Variants in OR9I1 observed in about 807,000 individuals in gnomAD.
OR9I1 encodes olfactory receptor 9I1.
OR9I1 carries 7 observed loss-of-function variants against 11.2 expected under a neutral mutation model. The observed-to-expected ratio is 0.62, with a 90% CI of 0.36 to 1.17. OR9I1 has a LOEUF of 1.17. Ranked by LOEUF, OR9I1 falls within the 50% of genes most tolerant of loss-of-function variation. The probability of loss-of-function intolerance (pLI) is 0.02; values close to 1 mark genes in which losing one functional copy is unlikely to be tolerated. For synonymous variants in OR9I1, 165 were observed against 153.4 expected (o/e 1.08, Z -0.56); for missense variants, 428 against 377.2 (o/e 1.13, Z -1.12).
At position 58,118,965 on chromosome 11, in the gene OR9I1, G is replaced by A. The variant is rs1376813930; in HGVS notation, c.480C>T (p.Thr160=). The change falls in exon 3 of 3, where the codon ACC becomes ACT. Residue 160 remains threonine (T), a synonymous_variant. Transcript: ENST00000641439. Reference sequence around the variant, plus strand: ...AGAAGGAGAGGGTGAAGGTGCAAGTGGTACGCAGGATGGCTCCTGACACCC... The same window carrying A: ...AGAAGGAGAGGGTGAAGGTGCAAGTAGTACGCAGGATGGCTCCTGACACCC... The part of the protein sequence containing the change: ...VCGVSGAILR[T]TCTFTLSFCK... 1 of 1,613,866 alleles carries A rather than the reference G, an allele frequency of 6.2e-7. No homozygotes were observed. Among genetic ancestry groups the A allele is most frequent in the Non-Finnish European group, 8.5e-7 (1 of 1,179,960 alleles).
chr11:58,124,875 A>G (rs1467818001), intron 1 of OR9I1, among the ~76,000 whole-genome samples: 6 of 152,192 alleles, frequency 3.9e-5, no homozygotes, highest in Non-Finnish European at 2.9e-5. Flanking sequence ...AATACTATGC[A>G]TTGTAGACAC....
Position 58,117,407 on chromosome 11 carries a change from C to A in OR9I1, c.*1093G>T, listed in dbSNP as rs536523014. On this transcript the variant is annotated 3_prime_UTR_variant, in exon 3 of 3. Transcript: ENST00000641439. ...TCATGAGGAAGTACTTCCTTAATTG[C>A]AAAATGGGAATTTTACATTAAACTA... is the stretch of plus-strand genomic sequence containing the variant. 7.0e-6 allele frequency: 1 copy of A among 143,382 alleles called. No individual in the cohort carries two copies. Among genetic ancestry groups the A allele is most frequent in the South Asian group, 2.1e-4 (1 of 4,700 alleles). 8.9% of individuals were successfully genotyped at this position (143,382 alleles called of 1,614,324 possible). A position where few individuals can be genotyped will look rare whatever the true frequency, so the allele number is the denominator to read the frequency against.
In OR9I1 at chr11:58,122,906, A is replaced by AT. The variant is rs544323376; in HGVS notation, c.-23+1531dup. Among the ~76,000 whole-genome samples, 182 of 150,944 alleles carry AT rather than the reference A, an allele frequency of 1.2e-3. 1 individual carries two copies. The highest frequency in any genetic ancestry group is 4.1e-3 in the African/African-American group (169 of 41,154). The stretch of plus-strand genomic sequence containing the variant: ...TACATGATATTGTGACATAAATCTC[A>AT]TTTTTTAGCATACACCGTATTTTTG... On this transcript the variant is annotated intron_variant, in intron 2 of 2. Transcript: ENST00000641439.
intron 2 of OR9I1, among the ~76,000 whole-genome samples, chr11:58,119,847 A>G (rs1237055890): frequency 6.6e-6 from 1 of 152,020 alleles, no homozygotes; most frequent in Non-Finnish European, 1.5e-5. Context: ...CCACCTGTTG[A>G]TTCTCTTTTT....
chr11:58,124,102 A>G (rs778982350), intron 2 of OR9I1, among the ~76,000 whole-genome samples: 7 of 152,076 alleles, frequency 4.6e-5, no homozygotes, highest in African/African-American at 9.7e-5. Context: ...AGAGGGAAAA[A>G]TTTTAGGAGC....
At chr11:58,123,070 G>T (rs1241831373) in intron 2 of OR9I1, among the ~76,000 whole-genome samples, 1 of 151,236 alleles carries the variant, frequency 6.6e-6, no homozygotes, top group African/African-American at 2.4e-5. Context: ...ATTTAATTCT[G>T]AAAGCAGCCC....
rs1269925031 is a variant in OR9I1 at position 58,125,459 on chromosome 11, T to G, written c.-410A>C. On this transcript the variant is annotated 5_prime_UTR_variant, in exon 1 of 3. Coordinates refer to ENST00000641439, the MANE Select transcript of OR9I1 (RefSeq NM_001005211.2). ...GTGGAATAATTCAGTTGGATTTATC[T>G]TGGCCTTGTAGTCAAGCTAAGCTAA... 6.6e-6 allele frequency: 1 copy of G among 152,190 alleles called. No homozygotes were observed. Among genetic ancestry groups the G allele is most frequent in the Non-Finnish European group, 1.5e-5 (1 of 68,034 alleles). 9.4% of individuals were successfully genotyped at this position (152,190 alleles called of 1,614,324 possible).
chr11:58,118,978 G>T lies in OR9I1; in HGVS notation c.467C>A (p.Ala156Asp), dbSNP rs199775374. 1.0e-4 allele frequency: 163 copies of T among 1,613,804 alleles called. No homozygotes were observed. The East Asian group carries it at 3.3e-3, about 33-fold the overall frequency. Residue 156 changes from alanine to aspartate, a missense_variant, in exon 3 of 3, where the codon GCC becomes GAC. Coordinates refer to ENST00000641439, the MANE Select transcript of OR9I1 (RefSeq NM_001005211.2). ...GAAGGTGCAAGTGGTACGCAGGATG[G>T]CTCCTGACACCCCACAGACATAGGC... The part of the protein sequence containing the change: ...VGAYVCGVSG[A>D]ILRTTCTFTL...
rs1359361171 is a variant in OR9I1 at position 58,125,500 on chromosome 11, T to C, written c.-451A>G. The C allele has an allele frequency of 6.6e-6, 1 of 152,186 alleles. No individual in the cohort carries two copies. The highest frequency in any genetic ancestry group is 1.5e-5 in the Non-Finnish European group (1 of 68,034). The allele number at this position is 152,186 out of a possible 1,614,324, so 9.4% of individuals were successfully genotyped here. On this transcript the variant is annotated 5_prime_UTR_variant, in exon 1 of 3. Transcript: ENST00000641439. Reference sequence around the variant, plus strand: ...GCTAAGCTAAGGTTGTTTAAGCATTTTGTAGAAAGCAGCTAAGATTGCTCA... The same window carrying C: ...GCTAAGCTAAGGTTGTTTAAGCATTCTGTAGAAAGCAGCTAAGATTGCTCA...
chr11:58,118,222 T>A lies in OR9I1; in HGVS notation c.*278A>T, dbSNP rs531995227. ...TGGAATGAAATAAACTCAAGACTCC[T>A]GGGATCTGAGATTCTATAAGTTGTG... is the stretch of plus-strand genomic sequence containing the variant. On this transcript the variant is annotated 3_prime_UTR_variant, in exon 3 of 3. Transcript: ENST00000641439. The A allele has an allele frequency of 3.6e-5, 10 of 274,456 alleles. No homozygotes were observed. Among genetic ancestry groups the A allele is most frequent in the African/African-American group, 2.2e-4 (10 of 45,670 alleles). The allele number at this position is 274,456 out of a possible 1,614,324, so 17.0% of individuals were successfully genotyped here.
intron 1 of OR9I1, 126 bp from the exon 2 acceptor site, chr11:58,124,765 T>C (rs559210165): frequency 6.6e-6 from 1 of 152,354 alleles, no homozygotes; most frequent in African/African-American, 2.4e-5. Context: ...ATTCTAACCC[T>C]GGTTCTCTGA....
intron 2 of OR9I1, among the ~76,000 whole-genome samples, chr11:58,120,008 T>C (rs1295152135): frequency 1.3e-5 from 2 of 152,184 alleles, no homozygotes; most frequent in African/African-American, 2.4e-5. Flanking sequence ...TCCCTTATAG[T>C]ACACATTGAT....
Position 58,117,741 on chromosome 11 carries a change from A to G in OR9I1, c.*759T>C, listed in dbSNP as rs1853971601. 1 of 152,206 alleles carries G rather than the reference A, an allele frequency of 6.6e-6. No individual in the cohort carries two copies. 9.4% of individuals were successfully genotyped at this position (152,206 alleles called of 1,614,324 possible). ...CGCAATAGGGTGAGGAGGAGAAGCA[A>G]TGTACCATGGCCTTCAGAAATGAGA... On this transcript the variant is annotated 3_prime_UTR_variant, in exon 3 of 3. Coordinates refer to ENST00000641439, the MANE Select transcript of OR9I1 (RefSeq NM_001005211.2).
chr11:58,123,320 G>C (rs536165607), intron 2 of OR9I1, among the ~76,000 whole-genome samples: 8 of 152,242 alleles, frequency 5.3e-5, no homozygotes, highest in South Asian at 2.1e-4. Context: ...TTCAAATCAT[G>C]AGATAACTTG....
At chr11:58,125,249 C>CCCCA (rs141493207) in intron 1 of OR9I1, 25 bp downstream of exon 1, 13 of 81,252 alleles carry the variant, frequency 1.6e-4, no homozygotes, top group Non-Finnish European at 2.5e-4. Flanking sequence ...GCCCCCCCCC[C>CCCCA]AAAAAAAAGC....
intron 1 of OR9I1, among the ~76,000 whole-genome samples, chr11:58,125,006 G>T (rs777891736): frequency 1.3e-5 from 2 of 152,114 alleles, no homozygotes; most frequent in Non-Finnish European, 2.9e-5. Context: ...CAATGAAAAA[G>T]CCTGGAGTCT....
rs577592743 is a variant in OR9I1, at chr11:58,123,594, G to A, written c.-23+844C>T. On this transcript the variant is annotated intron_variant, in intron 2 of 2. Coordinates refer to ENST00000641439, the MANE Select transcript of OR9I1 (RefSeq NM_001005211.2). ...TGGGTATAGCTATGACTATTTTATG[G>A]ATGAACAAAGCAGAGTTCAGAGAAG... Among the ~76,000 whole-genome samples the A allele has an allele frequency of 1.6e-4, 24 of 152,300 alleles. No individual in the cohort carries two copies. The East Asian group carries it at 3.5e-3, about 22-fold the overall frequency.
chr11:58,120,810 A>G (rs1168153283), intron 2 of OR9I1, among the ~76,000 whole-genome samples: 1 of 145,612 alleles, frequency 6.9e-6, no homozygotes, highest in Non-Finnish European at 1.5e-5. Context: ...TACCATATAT[A>G]TATATATATA....
rs1268653790 is a variant in OR9I1, at chr11:58,124,599, G to C, written c.-184C>G. 6.6e-6 allele frequency: 1 copy of C among 152,136 alleles called. No homozygotes were observed. Among genetic ancestry groups the C allele is most frequent in the Non-Finnish European group, 1.5e-5 (1 of 68,016 alleles). 9.4% of individuals were successfully genotyped at this position (152,136 alleles called of 1,614,324 possible). ...TTTGCTGAGCTCTTGCTCCAAGTCA[G>C]GTAGATGCTAAGCACTTTAAAGGCT... On this transcript the variant is annotated 5_prime_UTR_variant, in exon 2 of 3. Coordinates refer to ENST00000641439, the MANE Select transcript of OR9I1 (RefSeq NM_001005211.2).
Sources: gnomAD v4.1 joint callset for allele counts (sites outside exome capture counted in the v4.1 genomes callset) on GRCh38, gnomAD v4.1.1 for gene constraint, MANE v1.5 for transcripts, NCBI Gene and HGNC (gene_info 2026-07-23, HGNC 2026-07-21) for gene names.